Variants in PALM2AKAP2 observed in about 807,000 individuals in gnomAD.
The protein encoded by PALM2AKAP2 is PALM2 and AKAP2 fusion, also known as PALM2-AKAP2 fusion protein.
A neutral mutation model predicts 71.5 loss-of-function variants in PALM2AKAP2; 37 were observed. That is an observed-to-expected ratio of 0.52 (90% CI 0.40 to 0.68). The LOEUF is 0.68. Ranked by LOEUF, PALM2AKAP2 falls within the 30% of genes least tolerant of loss-of-function variation. The pLI is 0.00. For missense variants in PALM2AKAP2, 1,224 were observed against 1,191.8 expected (o/e 1.03, Z -0.40); for synonymous variants, 468 against 478.8 (o/e 0.98, Z 0.29).
At chr9:110,014,493 T>C (rs796075369) in intron 6 of PALM2AKAP2, among the ~76,000 whole-genome samples, 1 of 151,744 alleles carries the variant, frequency 6.6e-6, no homozygotes, top group South Asian at 2.1e-4. Context: ...CACTTGCCAG[T>C]TGGGCACAGT....
At chr9:109,935,740 A>G (rs189265926) in intron 6 of PALM2AKAP2, among the ~76,000 whole-genome samples, 26 of 152,276 alleles carry the variant, frequency 1.7e-4, no homozygotes, top group African/African-American at 6.0e-4. Context: ...AGCTTCCAGC[A>G]CCTTTCCTGA....
intron 2 of PALM2AKAP2, among the ~76,000 whole-genome samples, chr9:110,140,317 T>C (rs1299926752): frequency 2.6e-5 from 4 of 152,252 alleles, no homozygotes; most frequent in Non-Finnish European, 5.9e-5. Context: ...TTCCTTTGAA[T>C]GCTTCCTCAA....
At chr9:109,803,269 C>T (rs1827483244) in intron 1 of PALM2AKAP2, among the ~76,000 whole-genome samples, 1 of 152,152 alleles carries the variant, frequency 6.6e-6, no homozygotes, top group Non-Finnish European at 1.5e-5. Flanking sequence ...TTTCACAAAT[C>T]CTTTTGCTAG....
chr9:109,645,381 C>A (rs1273860290), intron 1 of PALM2AKAP2, among the ~76,000 whole-genome samples: 1 of 152,122 alleles, frequency 6.6e-6, no homozygotes, highest in East Asian at 1.9e-4. Context: ...TGCTTTCCAA[C>A]ACATGGGAAT....
intron 1 of PALM2AKAP2, among the ~76,000 whole-genome samples, chr9:109,836,470 G>T (rs933748105): frequency 6.6e-6 from 1 of 152,210 alleles, no homozygotes; most frequent in African/African-American, 2.4e-5. Context: ...AAATCAGAGT[G>T]CCCCTCCTCC....
chr9:109,796,205 A>G (rs926023344), intron 1 of PALM2AKAP2, among the ~76,000 whole-genome samples: 17 of 152,206 alleles, frequency 1.1e-4, no homozygotes, highest in African/African-American at 4.1e-4. Context: ...AGGATTAAAA[A>G]TATAACCAAT....
chr9:109,681,656 C>T (rs1827735337), intron 1 of PALM2AKAP2, among the ~76,000 whole-genome samples: 1 of 152,174 alleles, frequency 6.6e-6, no homozygotes, highest in Admixed American at 6.5e-5. Flanking sequence ...ATGGGTTTTT[C>T]AGAGAAAGCT....
chr9:110,136,002 A>G (rs1047525594), intron 1 of PALM2AKAP2, 125 bp from the exon 8 acceptor site: 1 of 1,226,166 alleles, frequency 8.2e-7, no homozygotes, highest in South Asian at 1.8e-5. Flanking sequence ...GAAAATATCT[A>G]TTCAAAAGAA....
At chr9:109,744,513 G>A (rs1828770043) in intron 1 of PALM2AKAP2, among the ~76,000 whole-genome samples, 1 of 152,088 alleles carries the variant, frequency 6.6e-6, no homozygotes, top group Non-Finnish European at 1.5e-5. Flanking sequence ...TTTCCAGAGA[G>A]TCACTAGATC....
intron 3 of PALM2AKAP2, among the ~76,000 whole-genome samples, chr9:109,912,212 G>C (rs1830585705): frequency 6.6e-6 from 1 of 151,894 alleles, no homozygotes; most frequent in Non-Finnish European, 1.5e-5. Flanking sequence ...AAGGAGGTGA[G>C]AGGGAGCCAC....
At chr9:109,832,057 C>G (rs996226101) in intron 1 of PALM2AKAP2, among the ~76,000 whole-genome samples, 5 of 152,292 alleles carry the variant, frequency 3.3e-5, no homozygotes, top group African/African-American at 1.2e-4. Context: ...TTCCTGACCT[C>G]CACTCACAGA....
At position 109,872,775 on chromosome 9, in the gene PALM2AKAP2, G is replaced by A. The variant is rs185588313; in HGVS notation, c.126+5204G>A. Among the ~76,000 whole-genome samples, 157 of 152,232 alleles carry A rather than the reference G, an allele frequency of 1.0e-3. 1 individual carries two copies. Among genetic ancestry groups the A allele is most frequent in the Admixed American group, 1.2e-3 (19 of 15,288 alleles). Reference sequence around the variant, plus strand: ...ACAAAGATATTACAGTGTCTTTCCCGGTTTTGAACATTTAGCACTAATTTT... The same window carrying A: ...ACAAAGATATTACAGTGTCTTTCCCAGTTTTGAACATTTAGCACTAATTTT... On this transcript the variant is annotated intron_variant, in intron 2 of 9. Transcript: ENST00000302798.
intron 1 of PALM2AKAP2, among the ~76,000 whole-genome samples, chr9:110,081,677 A>G (rs1186417703): frequency 6.6e-6 from 1 of 152,062 alleles, no homozygotes; most frequent in Non-Finnish European, 1.5e-5. Context: ...ACCAGGCCTC[A>G]TGCTCCAGTG....
At chr9:109,777,435 C>T (rs1829364541), upstream of PALM2AKAP2, among the ~76,000 whole-genome samples, 1 of 152,176 alleles carries the variant, frequency 6.6e-6, no homozygotes, top group African/African-American at 2.4e-5. Flanking sequence ...TCTTGCCTGA[C>T]CTAAAAACCC....
chr9:109,750,570 ACGTGTGTGTG>A lies in PALM2AKAP2; in HGVS notation c.6-29917_6-29908del, dbSNP rs1250589423. On this transcript the variant is annotated intron_variant, in intron 1 of 6. Transcript: ENST00000374531. ...CTCATCCTCAGAGCTCTGCCCTAGG[ACGTGTGTGTG>A]TGTGTGTGTGTGTGTGTGTGTATGT... Among the ~76,000 whole-genome samples the A allele has an allele frequency of 3.1e-5, 3 of 97,848 alleles. No homozygotes were observed. In the Admixed American group the frequency reaches 3.3e-4, roughly 11 times the overall value. The allele number at this position is 97,848 out of a possible 152,430, so 64.2% of individuals were successfully genotyped here. A position where few individuals can be genotyped will look rare whatever the true frequency, so the allele number is the denominator to read the frequency against.
intron 1 of PALM2AKAP2, among the ~76,000 whole-genome samples, chr9:109,751,109 C>G (rs935739249): frequency 6.6e-6 from 1 of 152,106 alleles, no homozygotes; most frequent in Non-Finnish European, 1.5e-5. Flanking sequence ...ATTTTCAGTT[C>G]TGTTTTGTTT....
chr9:109,690,464 A>G (rs1158080874), intron 1 of PALM2AKAP2, among the ~76,000 whole-genome samples: 4 of 152,198 alleles, frequency 2.6e-5, no homozygotes, highest in African/African-American at 7.2e-5. Context: ...ATCCCAAAAA[A>G]TATAGTTGGC....
intron 1 of PALM2AKAP2, among the ~76,000 whole-genome samples, chr9:109,733,005 AC>A (rs1215943287): frequency 3.3e-5 from 5 of 152,174 alleles, no homozygotes; most frequent in African/African-American, 1.2e-4. Flanking sequence ...TGAGAGGTAG[AC>A]AGGACCCAGA....
chr9:110,070,057 C>T (rs1834170125), intron 1 of PALM2AKAP2, among the ~76,000 whole-genome samples: 1 of 152,120 alleles, frequency 6.6e-6, no homozygotes, highest in Admixed American at 6.5e-5. Flanking sequence ...GGAGGGGCAT[C>T]CTGGAAAACT....
Sources: gnomAD v4.1 joint callset for allele counts (sites outside exome capture counted in the v4.1 genomes callset) on GRCh38, gnomAD v4.1.1 for gene constraint, MANE v1.5 for transcripts, NCBI Gene and HGNC (gene_info 2026-07-23, HGNC 2026-07-21) for gene names.